The following IBTK variants were observed in gnomAD, a reference collection of about 807,000 sequenced individuals.
The protein encoded by IBTK is inhibitor of Bruton tyrosine kinase, also known as BTK-binding protein.
A neutral mutation model predicts 154.9 loss-of-function variants in IBTK; 83 were observed. The observed-to-expected ratio is 0.54, with a 90% CI of 0.45 to 0.64. The LOEUF is 0.64. Ranked by LOEUF, IBTK falls within the 30% of genes least tolerant of loss-of-function variation. The probability of loss-of-function intolerance (pLI) is 0.00; values close to 1 mark genes in which losing one functional copy is unlikely to be tolerated. For missense variants in IBTK, 1,332 were observed against 1,584.6 expected (o/e 0.84, Z 2.71); for synonymous variants, 515 against 536.1 (o/e 0.96, Z 0.54).
chr6:82,196,491 A>G (rs1768992400), intron 21 of IBTK, 45 bp from the exon 22 acceptor site: 2 of 1,230,360 alleles, frequency 1.6e-6, no homozygotes, highest in Non-Finnish European at 2.3e-6. Context: ...TGCATTAAAC[A>G]TATATGCATT....
chr6:82,205,081 A>G, intron 16 of IBTK, 123 bp from the exon 17 acceptor site: 1 of 467,074 alleles, frequency 2.1e-6, no homozygotes, highest in Non-Finnish European at 3.8e-6. Context: ...TGAAGTAATT[A>G]GTACACTAGA....
chr6:82,210,165 T>C (rs995379505), intron 16 of IBTK, among the ~76,000 whole-genome samples: 3 of 152,224 alleles, frequency 2.0e-5, no homozygotes, highest in African/African-American at 7.2e-5. Flanking sequence ...ATTTTTAATC[T>C]GTTTCTTTCA....
intron 11 of IBTK, among the ~76,000 whole-genome samples, chr6:82,215,798 AAAG>A (rs1197505073): frequency 1.3e-5 from 2 of 151,586 alleles, no homozygotes; most frequent in East Asian, 3.9e-4. Flanking sequence ...AAAAAAAAAA[AAAG>A]AAAGACAATA....
chr6:82,223,864 C>T (rs1770195005), intron 7 of IBTK, among the ~76,000 whole-genome samples: 1 of 152,152 alleles, frequency 6.6e-6, no homozygotes, highest in African/African-American at 2.4e-5. Context: ...ATGGGAGGAT[C>T]GTTTGAGCCC....
chr6:82,244,569 T>C (rs1271728003), intron 1 of IBTK, among the ~76,000 whole-genome samples: 1 of 152,190 alleles, frequency 6.6e-6, no homozygotes, highest in Non-Finnish European at 1.5e-5. Context: ...CTACTTCATA[T>C]TGTTCCTGAT....
chr6:82,194,607 A>G lies in IBTK; in HGVS notation c.3210T>C (p.Pro1070=). Residue 1070 remains proline, a synonymous_variant, in exon 23 of 29, where the codon CCT becomes CCC. Coordinates refer to ENST00000306270, the MANE Select transcript of IBTK (RefSeq NM_015525.4). The stretch of plus-strand genomic sequence containing the variant: ...GTTTTAAATCTTCCCTAGAATACAC[A>G]GGAGATGTACCATTAACATACGGTT... ...KVKPYVNGTS[P]VYSREDLKPW... 1 of 1,606,954 alleles carries G rather than the reference A, an allele frequency of 6.2e-7. No individual in the cohort carries two copies. Among genetic ancestry groups the G allele is most frequent in the Non-Finnish European group, 8.5e-7 (1 of 1,176,692 alleles).
At chr6:82,200,099 T>C (rs760720502) in intron 21 of IBTK, 42 bp downstream of exon 21, 8 of 1,198,784 alleles carry the variant, frequency 6.7e-6, no homozygotes, top group South Asian at 2.5e-5. Flanking sequence ...AATAGAGACA[T>C]AGAAGATTAG....
rs199861615 is a variant in IBTK, at chr6:82,246,569, C to G, written c.-358+993G>C. Among the ~76,000 whole-genome samples, 4 of 151,912 alleles carry G rather than the reference C, an allele frequency of 2.6e-5. No homozygotes were observed. The East Asian group carries it at 7.8e-4, about 29-fold the overall frequency. ...AAGCAATTCTCAGCCTCCCCAGTAGCTGGGATTACAGGCGTGAGCCACCGC... is the reference window on the plus strand; with the variant it reads ...AAGCAATTCTCAGCCTCCCCAGTAGGTGGGATTACAGGCGTGAGCCACCGC... On this transcript the variant is annotated intron_variant, in intron 1 of 28. Transcript: ENST00000306270.
chr6:82,173,144 G>T, intron 27 of IBTK: 1 of 352,134 alleles, frequency 2.8e-6, no homozygotes, highest in East Asian at 4.6e-5. Context: ...TGGCATCACA[G>T]GCATGCGCCA....
intron 17 of IBTK, among the ~76,000 whole-genome samples, chr6:82,204,487 C>A (rs1487658372): frequency 6.6e-6 from 1 of 151,990 alleles, no homozygotes; most frequent in Non-Finnish European, 1.5e-5. Context: ...AAAATCACTG[C>A]AAATAGTAGA....
At position 82,223,547 on chromosome 6, in the gene IBTK, G is replaced by A. The variant is rs560530379; in HGVS notation, c.1017C>T (p.Asp339=). ...PRQVSALHHK[D]IALSLVAASD... is the part of the protein sequence containing the mutation. ...TTGCAGCAACCAAAGACAGAGCAAT[G>A]TCTTTATGGTGAAGGGCAGAGACCT... The change falls in exon 8 of 29, where the codon GAC becomes GAT. Residue 339 remains aspartate (D), a synonymous_variant. Transcript: ENST00000306270. 5.0e-6 allele frequency: 8 copies of A among 1,614,104 alleles called. 1 individual carries two copies. The South Asian group carries it at 8.8e-5, about 18-fold the overall frequency.
intron 25 of IBTK, among the ~76,000 whole-genome samples, chr6:82,185,542 A>C (rs1314444232): frequency 3.3e-5 from 5 of 151,116 alleles, no homozygotes; most frequent in Non-Finnish European, 4.4e-5. Flanking sequence ...AACAAAAAAA[A>C]AGTTCCAATT....
At chr6:82,221,874 G>T (rs984087057) in intron 8 of IBTK, among the ~76,000 whole-genome samples, 4 of 152,050 alleles carry the variant, frequency 2.6e-5, no homozygotes, top group African/African-American at 9.7e-5. Context: ...GAAGTCAAAA[G>T]TAACTTTCTG....
intron 17 of IBTK, among the ~76,000 whole-genome samples, chr6:82,203,348 C>T (rs1387508216): frequency 6.6e-6 from 1 of 152,084 alleles, no homozygotes; most frequent in African/African-American, 2.4e-5. Context: ...TTCCTGTTCC[C>T]TCCACTATTT....
chr6:82,240,549 C>G lies in IBTK; in HGVS notation c.-63G>C, dbSNP rs1368461754. On this transcript the variant is annotated 5_prime_UTR_variant, in exon 2 of 29. Coordinates refer to ENST00000306270, the MANE Select transcript of IBTK (RefSeq NM_015525.4). The stretch of plus-strand genomic sequence containing the variant: ...AAACTAATTTTAAAAAATGAAAAAG[C>G]CAGGACACAAAGGTGCTATTGAGGA... 3 of 1,410,898 alleles carry G rather than the reference C, an allele frequency of 2.1e-6. No individual in the cohort carries two copies. The highest frequency in any genetic ancestry group is 1.3e-5 in the South Asian group (1 of 75,932). The allele number at this position is 1,410,898 out of a possible 1,614,324, so 87.4% of individuals were successfully genotyped here.
chr6:82,200,987 C>T (rs1023297475), intron 19 of IBTK, among the ~76,000 whole-genome samples: 24 of 151,878 alleles, frequency 1.6e-4, no homozygotes, highest in Non-Finnish European at 8.8e-5. Context: ...TCAATAACTT[C>T]CTAAATTTAC....
Position 82,209,561 on chromosome 6 carries a change from A to T in IBTK, c.2509+1253T>A, listed in dbSNP as rs1769548220. ...AATAGGGGTTTTCCACGGACTGGGG[A>T]TAAGAGAGAGTGGGAAGTGTCTGCT... On this transcript the variant is annotated intron_variant, in intron 16 of 28. Transcript: ENST00000306270. Among the ~76,000 whole-genome samples, 2 of 152,176 alleles carry T rather than the reference A, an allele frequency of 1.3e-5. 1 individual carries two copies.
chr6:82,217,882 G>T, intron 10 of IBTK, 78 bp downstream of exon 10: 2 of 936,758 alleles, frequency 2.1e-6, no homozygotes, highest in Non-Finnish European at 3.1e-6. Flanking sequence ...AATAACACTT[G>T]TCAGTTGAAC....
chr6:82,194,283 C>T (rs1438323166), intron 23 of IBTK, among the ~76,000 whole-genome samples, 196 bp downstream of exon 23: 1 of 152,036 alleles, frequency 6.6e-6, no homozygotes, highest in Non-Finnish European at 1.5e-5. Context: ...ACAAAGGCAA[C>T]TAAATTTTGC....
Sources: gnomAD v4.1 joint callset for allele counts (sites outside exome capture counted in the v4.1 genomes callset) on GRCh38, gnomAD v4.1.1 for gene constraint, MANE v1.5 for transcripts, NCBI Gene and HGNC (gene_info 2026-07-23, HGNC 2026-07-21) for gene names.